Variants in SCFD1 observed in about 807,000 individuals in gnomAD.
SCFD1 encodes the protein sec1 family domain containing 1.
Under a neutral mutation model 103.2 loss-of-function variants are expected in SCFD1, and 37 were observed. That is an observed-to-expected ratio of 0.36 (90% confidence interval 0.28 to 0.47). The LOEUF is 0.47. Ranked by LOEUF, SCFD1 falls within the 20% of genes least tolerant of loss-of-function variation. SCFD1 has a pLI of 1.00. For synonymous variants in SCFD1, 264 were observed against 245.0 expected, an observed-to-expected ratio of 1.08 and a Z score of -0.73; for missense variants, 639 against 761.2, an observed-to-expected ratio of 0.84 and a Z score of 1.89.
At chr14:30,623,820 T>G (rs1297866183) in intron 1 of SCFD1, among the ~76,000 whole-genome samples, 1 of 152,200 alleles carries the variant, frequency 6.6e-6, no homozygotes, top group African/African-American at 2.4e-5. Context: ...GAATTCTGCC[T>G]TATTTTCAGA....
chr14:30,668,871 A>G (rs146329360), intron 10 of SCFD1, among the ~76,000 whole-genome samples: 3,089 of 152,172 alleles, frequency 0.02, 131 homozygotes, highest in African/African-American at 0.07. Flanking sequence ...ACACCAGTTA[A>G]AATGGTGATC....
At chr14:30,722,732 A>G (rs922427421) in intron 23 of SCFD1, 173 bp downstream of exon 23, 1 of 395,656 alleles carries the variant, frequency 2.5e-6, no homozygotes, top group Non-Finnish European at 4.5e-6. Flanking sequence ...TGTCACATTC[A>G]TTTCTGGCCT....
chr14:30,731,781 C>A (rs1594779915), intron 23 of SCFD1, among the ~76,000 whole-genome samples: 1 of 152,290 alleles, frequency 6.6e-6, no homozygotes, highest in African/African-American at 2.4e-5. Context: ...TCTAGATATA[C>A]AATCATGTCA....
In SCFD1 at chr14:30,675,081, TC is replaced by T. The variant is rs769949872; in HGVS notation, c.1242+23del. On this transcript the variant is annotated intron_variant, in intron 14 of 24. Coordinates refer to ENST00000458591, the MANE Select transcript of SCFD1 (RefSeq NM_016106.4). ...ACATATAAAGGTAAATTTAACTTTT[TC>T]CCCCCCACAATATGACTTGCATTTA... is the stretch of plus-strand genomic sequence containing the variant. 1.8e-5 allele frequency: 25 copies of T among 1,424,744 alleles called. No individual in the cohort carries two copies. The highest frequency in any genetic ancestry group is 3.9e-5 in the South Asian group (3 of 77,250). 88.3% of individuals were successfully genotyped at this position (1,424,744 alleles called of 1,614,324 possible). A position where few individuals can be genotyped will look rare whatever the true frequency, so the allele number is the denominator to read the frequency against.
rs1360312379 is a variant in SCFD1, at chr14:30,731,841, G to T, written c.1837-2949G>T. 8.5e-5 allele frequency among the ~76,000 whole-genome samples: 13 copies of T among 152,168 alleles called. 1 individual carries two copies. Among genetic ancestry groups the T allele is most frequent in the Admixed American group, 7.2e-4 (11 of 15,266 alleles). ...TCCTCTTTTCCTAATTGAATACCCT[G>T]TATTTCTTTCTCCTGCCTGATTGCC... On this transcript the variant is annotated intron_variant, in intron 23 of 24. Coordinates refer to ENST00000458591, the MANE Select transcript of SCFD1 (RefSeq NM_016106.4).
chr14:30,699,891 CT>C (rs1890961442), intron 15 of SCFD1, among the ~76,000 whole-genome samples: 1 of 152,186 alleles, frequency 6.6e-6, no homozygotes, highest in Non-Finnish European at 1.5e-5. Context: ...TGCTTATATC[CT>C]TTCCTTTCAT....
chr14:30,701,175 G>T (rs1258682565), intron 16 of SCFD1, among the ~76,000 whole-genome samples: 1 of 152,086 alleles, frequency 6.6e-6, no homozygotes, highest in Non-Finnish European at 1.5e-5. Context: ...GGTTTCTGTT[G>T]GTCAAAAATC....
At position 30,719,308 on chromosome 14, in the gene SCFD1, T is replaced by C; in HGVS notation, c.1684-17T>C. On this transcript the variant is annotated splice_polypyrimidine_tract_variant and intron_variant, in intron 20 of 24. Transcript: ENST00000458591. ...AGAAATTCCACAGTCATGGTAAAGT[T>C]CTATTTTTTTTAATAGGAAACTGAT... 1.3e-6 allele frequency: 2 copies of C among 1,555,188 alleles called. No individual in the cohort carries two copies. Among genetic ancestry groups the C allele is most frequent in the Non-Finnish European group, 1.8e-6 (2 of 1,137,298 alleles).
chr14:30,625,998 C>G (rs1207035995), intron 1 of SCFD1, among the ~76,000 whole-genome samples: 2 of 151,994 alleles, frequency 1.3e-5, no homozygotes, highest in East Asian at 3.9e-4. Flanking sequence ...AACAGGGTTT[C>G]CTCCCTCTTG....
chr14:30,681,825 G>A lies in SCFD1; in HGVS notation c.1242+6760G>A, dbSNP rs145015930. Among the ~76,000 whole-genome samples the A allele has an allele frequency of 1.3e-5, 2 of 152,168 alleles. 1 individual carries two copies. Among genetic ancestry groups the A allele is most frequent in the African/African-American group, 4.8e-5 (2 of 41,566 alleles). ...TGTAATGAGGTAGTAATTAATATCA[G>A]TTACCCTTATAGATTTCATGTGACT... On this transcript the variant is annotated intron_variant, in intron 14 of 24. Coordinates refer to ENST00000458591, the MANE Select transcript of SCFD1 (RefSeq NM_016106.4).
At chr14:30,625,449 C>T (rs1883291413) in intron 1 of SCFD1, among the ~76,000 whole-genome samples, 1 of 151,990 alleles carries the variant, frequency 6.6e-6, no homozygotes, top group Admixed American at 6.6e-5. Context: ...GGATGCTCAA[C>T]CTGTAGTATA....
In SCFD1 at chr14:30,673,289, A is replaced by G. The variant is rs1009104047; in HGVS notation, c.1028A>G (p.Gln343Arg). ...CCAGAAGTTGCAGAATCAGTTCAGC[A>G]AGAACTAGAATCTTACAGAGCACAG... ...PFPEVAESVQ[Q>R]ELESYRAQED... Residue 343 changes from glutamine to arginine, a missense_variant, in exon 12 of 25, where the codon CAA becomes CGA. Gln to Arg is a conservative substitution (Grantham distance 43, BLOSUM62 1). Coordinates refer to ENST00000458591, the MANE Select transcript of SCFD1 (RefSeq NM_016106.4). The G allele has an allele frequency of 6.3e-7, 1 of 1,599,396 alleles. No individual in the cohort carries two copies. The highest frequency in any genetic ancestry group is 1.3e-5 in the African/African-American group (1 of 74,694).
At position 30,674,273 on chromosome 14, in the gene SCFD1, C is replaced by T. The variant is rs77945594; in HGVS notation, c.1160+276C>T. On this transcript the variant is annotated intron_variant, in intron 13 of 24. Coordinates refer to ENST00000458591, the MANE Select transcript of SCFD1 (RefSeq NM_016106.4). ...ACTATTAATGATAAAGTAGGGCAAG[C>T]GATTATTAATTTTATTATAGATACT... Among the ~76,000 whole-genome samples, 2,951 of 152,054 alleles carry T rather than the reference C, an allele frequency of 0.019. 53 individuals carry two copies. The highest frequency in any genetic ancestry group is 0.034 in the Middle Eastern group (10 of 294).
intron 10 of SCFD1, among the ~76,000 whole-genome samples, chr14:30,657,100 T>C (rs932822830): frequency 1.3e-5 from 2 of 152,086 alleles, no homozygotes; most frequent in African/African-American, 4.8e-5. Context: ...TCATCACACC[T>C]GCCAGTGGTG....
chr14:30,727,765 A>T (rs1168681700), intron 23 of SCFD1, among the ~76,000 whole-genome samples: 1 of 152,116 alleles, frequency 6.6e-6, no homozygotes, highest in African/African-American at 2.4e-5. Context: ...ATTCGGCAAG[A>T]GGACTTACCT....
intron 6 of SCFD1, 50 bp from the exon 7 acceptor site, chr14:30,643,266 T>C: frequency 9.4e-7 from 1 of 1,065,584 alleles, no homozygotes; most frequent in Non-Finnish European, 1.5e-6. Flanking sequence ...TTTAGAAAGA[T>C]GAGGCATAAG....
chr14:30,637,102 G>A (rs938084994), intron 4 of SCFD1, among the ~76,000 whole-genome samples: 12 of 152,166 alleles, frequency 7.9e-5, no homozygotes, highest in South Asian at 4.1e-4. Flanking sequence ...TGTGACTAGA[G>A]TGTCACTGTT....
Position 30,633,984 on chromosome 14 carries a change from C to G in SCFD1, c.259C>G (p.Pro87Ala). 1.2e-6 allele frequency: 2 copies of G among 1,605,022 alleles called. No individual in the cohort carries two copies. Among genetic ancestry groups the G allele is most frequent in the South Asian group, 1.1e-5 (1 of 90,106 alleles). The change falls in exon 4 of 25, where the codon CCT becomes GCT. Residue 87 changes from proline to alanine, a missense_variant. Transcript: ENST00000458591. ...HSDRDPIPDV[P>A]AVYFVMPTEE... ...TGATCGAGATCCTATTCCAGATGTT[C>G]CTGCAGTATACTTTGTAATGCCAAC...
At chr14:30,659,659 C>G (rs1255507534) in intron 10 of SCFD1, among the ~76,000 whole-genome samples, 2 of 152,086 alleles carry the variant, frequency 1.3e-5, no homozygotes, top group Non-Finnish European at 2.9e-5. Flanking sequence ...ACAAGCTTCC[C>G]AAATATATTG....
Sources: allele counts gnomAD v4.1 joint callset (sites outside exome capture counted in the v4.1 genomes callset), GRCh38; gene constraint gnomAD v4.1.1; transcripts MANE v1.5; gene names NCBI Gene and HGNC (gene_info 2026-07-23, HGNC 2026-07-21).